RBFOX1: variants seen among roughly 807,000 people sequenced by gnomAD.
RBFOX1 encodes RNA binding fox-1 homolog 1.
Under a neutral mutation model 57.7 loss-of-function variants are expected in RBFOX1, and 8 were observed. The ratio of observed to expected loss-of-function variants is 0.14; its 90% CI spans 0.08 to 0.25. The LOEUF (loss-of-function observed/expected upper bound fraction) is 0.25, where lower values mean the gene tolerates loss of function less well. Among genes scored for constraint, RBFOX1 ranks in the 10% least tolerant of loss-of-function variants. The probability of loss-of-function intolerance (pLI) is 1.00; values close to 1 mark genes in which losing one functional copy is unlikely to be tolerated. For missense variants in RBFOX1, 611 were observed against 548.5 expected (o/e 1.11, Z -1.14); for synonymous variants, 326 against 222.4 (o/e 1.47, Z -4.15).
intron 3 of RBFOX1, among the ~76,000 whole-genome samples, chr16:5,635,063 G>C (rs2048637964): frequency 6.6e-6 from 1 of 152,068 alleles, no homozygotes; most frequent in African/African-American, 2.4e-5. Context: ...GAGATGGAGG[G>C]GAAATATGCT....
chr16:5,284,794 A>G (rs1178037470), intron 1 of RBFOX1, among the ~76,000 whole-genome samples: 1 of 60,352 alleles, frequency 1.7e-5, no homozygotes, highest in African/African-American at 6.2e-5. Flanking sequence ...CTTGTAGTAT[A>G]CAGACCCTTT....
chr16:5,295,886 A>G (rs994085612), intron 1 of RBFOX1, among the ~76,000 whole-genome samples: 7 of 152,232 alleles, frequency 4.6e-5, no homozygotes, highest in Non-Finnish European at 1.0e-4. Flanking sequence ...GGGGATAATT[A>G]TGCTTCTTAC....
intron 1 of RBFOX1, among the ~76,000 whole-genome samples, chr16:6,161,658 C>T (rs940085064): frequency 6.6e-6 from 1 of 152,122 alleles, no homozygotes; most frequent in Admixed American, 6.6e-5. Context: ...TGGTAGAGCC[C>T]CTTTGAAAGA....
chr16:7,561,318 C>T (rs1427608741), intron 5 of RBFOX1, among the ~76,000 whole-genome samples: 2 of 152,212 alleles, frequency 1.3e-5, no homozygotes, highest in African/African-American at 2.4e-5. Context: ...ACTATTCACT[C>T]TATGGCCCTT....
intron 4 of RBFOX1, among the ~76,000 whole-genome samples, chr16:7,353,412 T>C (rs895819287): frequency 2.0e-5 from 3 of 152,214 alleles, no homozygotes; most frequent in Non-Finnish European, 4.4e-5. Flanking sequence ...AGTATTTTTC[T>C]TAAAAAAATT....
intron 3 of RBFOX1, among the ~76,000 whole-genome samples, chr16:5,835,773 C>A (rs2056437051): frequency 1.3e-5 from 2 of 152,220 alleles, no homozygotes; most frequent in African/African-American, 4.8e-5. Context: ...GTCGTTATAT[C>A]TGATTACTTA....
chr16:6,454,058 G>A (rs2094700531), intron 2 of RBFOX1, among the ~76,000 whole-genome samples: 1 of 152,268 alleles, frequency 6.6e-6, no homozygotes, highest in Non-Finnish European at 1.5e-5. Flanking sequence ...GTCTTTCTGT[G>A]TCTGTGTCTT....
At position 5,993,074 on chromosome 16, in the gene RBFOX1, C is replaced by G. The variant is rs76232441; in HGVS notation, c.351+125739C>G. Among the ~76,000 whole-genome samples, 892 of 152,302 alleles carry G rather than the reference C, an allele frequency of 5.9e-3. 8 individuals carry two copies. The highest frequency in any genetic ancestry group is 0.02 in the African/African-American group (811 of 41,562). ...CTCTATGCTTACCCACAGGCCCTCT[C>G]AAATCCACAAGTACCATCCTGTCTA... On this transcript the variant is annotated intron_variant, in intron 4 of 19. Transcript: ENST00000641259.
At chr16:7,510,816 TG>T (rs1233238431) in intron 4 of RBFOX1, among the ~76,000 whole-genome samples, 1 of 152,088 alleles carries the variant, frequency 6.6e-6, no homozygotes, top group Non-Finnish European at 1.5e-5. Flanking sequence ...TCCATGCTGG[TG>T]GGGGGTCCCA....
intron 4 of RBFOX1, among the ~76,000 whole-genome samples, chr16:7,253,375 C>G (rs897480656): frequency 2.0e-5 from 3 of 152,102 alleles, no homozygotes; most frequent in African/African-American, 7.2e-5. Flanking sequence ...CATTTTCACT[C>G]TAACTGCTTT....
intron 2 of RBFOX1, among the ~76,000 whole-genome samples, chr16:6,374,949 C>T (rs1021835277): frequency 2.6e-5 from 4 of 152,162 alleles, no homozygotes; most frequent in African/African-American, 9.7e-5. Context: ...TTTTAAAAAT[C>T]CATTCGCCTG....
At chr16:5,396,750 A>G (rs1318570095) in intron 1 of RBFOX1, among the ~76,000 whole-genome samples, 3 of 152,244 alleles carry the variant, frequency 2.0e-5, no homozygotes, top group Non-Finnish European at 4.4e-5. Flanking sequence ...AGAAAGATCG[A>G]AGATAAATGT....
At chr16:6,181,441 T>TG (rs923493249) in intron 1 of RBFOX1, among the ~76,000 whole-genome samples, 6 of 152,254 alleles carry the variant, frequency 3.9e-5, no homozygotes, top group South Asian at 2.1e-4. Flanking sequence ...GCTGAAATTT[T>TG]GGGGGGGTCA....
chr16:5,665,134 G>GT (rs926488483), intron 3 of RBFOX1, among the ~76,000 whole-genome samples: 1 of 141,104 alleles, frequency 7.1e-6, no homozygotes, highest in African/African-American at 2.6e-5. Context: ...TTTTACATGG[G>GT]GGGGGGCGGT....
intron 3 of RBFOX1, among the ~76,000 whole-genome samples, chr16:5,606,508 C>G (rs2047586030): frequency 6.6e-6 from 1 of 152,070 alleles, no homozygotes; most frequent in East Asian, 1.9e-4. Context: ...TCCCTCACTT[C>G]TCATCTCTTC....
At chr16:5,648,333 C>T (rs1286086843) in intron 3 of RBFOX1, among the ~76,000 whole-genome samples, 3 of 152,210 alleles carry the variant, frequency 2.0e-5, no homozygotes, top group African/African-American at 7.2e-5. Context: ...AACTAAAAAA[C>T]CAGAGTAAGA....
At chr16:5,426,022 A>G (rs2067548529) in intron 1 of RBFOX1, among the ~76,000 whole-genome samples, 1 of 152,186 alleles carries the variant, frequency 6.6e-6, no homozygotes, top group Non-Finnish European at 1.5e-5. Context: ...CTGCTGGTGG[A>G]AGGCATGGAA....
chr16:5,554,256 C>G (rs998251993), intron 2 of RBFOX1, among the ~76,000 whole-genome samples: 1 of 152,104 alleles, frequency 6.6e-6, no homozygotes. Context: ...CAGGCATGAG[C>G]CACAATGCCT....
intron 1 of RBFOX1, among the ~76,000 whole-genome samples, chr16:6,109,372 A>G (rs529307321): frequency 3.9e-5 from 6 of 152,304 alleles, no homozygotes; most frequent in Admixed American, 2.0e-4. Flanking sequence ...GGTAAATTCC[A>G]TATTGGAAAG....
Sources: allele counts gnomAD v4.1 joint callset (sites outside exome capture counted in the v4.1 genomes callset), GRCh38; gene constraint gnomAD v4.1.1; transcripts MANE v1.5; gene names NCBI Gene and HGNC (gene_info 2026-07-23, HGNC 2026-07-21).